Variants in APCDD1 observed in about 807,000 individuals in gnomAD.
APCDD1 encodes APC down-regulated 1, also known as protein APCDD1.
A neutral mutation model predicts 38.1 loss-of-function variants in APCDD1; 15 were observed. That is an observed-to-expected ratio of 0.39 (90% confidence interval 0.26 to 0.61). The LOEUF is 0.61. Ranked by LOEUF, APCDD1 falls within the 20% of genes least tolerant of loss-of-function variation. The probability of loss-of-function intolerance (pLI) is 0.49; values close to 1 mark genes in which losing one functional copy is unlikely to be tolerated. For synonymous variants in APCDD1, 261 were observed against 279.7 expected (o/e 0.93, Z 0.67); for missense variants, 647 against 696.2 (o/e 0.93, Z 0.79).
At chr18:10,459,165 C>T (rs907847499) in intron 1 of APCDD1, among the ~76,000 whole-genome samples, 46 of 152,156 alleles carry the variant, frequency 3.0e-4, no homozygotes, top group African/African-American at 1.1e-3. Flanking sequence ...GGTCCACTGG[C>T]CGAAAGGTAG....
chr18:10,485,514 A>T lies in APCDD1; in HGVS notation c.827A>T (p.His276Leu). ...ACRIIYRSDE[H>L]HPPILPPKAD... is the part of the protein sequence containing the mutation. ...CGGATCATCTATCGGTCAGACGAGC[A>T]CCACCCTCCCATCCTGCCCCCAAAG... The change falls in exon 4 of 5, where the codon CAC becomes CTC. Residue 276 changes from histidine (H) to leucine (L), a missense_variant. His to Leu is a moderately conservative substitution (Grantham distance 99). Coordinates refer to ENST00000355285, the MANE Select transcript of APCDD1 (RefSeq NM_153000.5). This position sits in a 1 kb window ranked among gnomAD's most constrained non-coding sequence, Gnocchi z 5.8. 1.9e-6 allele frequency: 3 copies of T among 1,614,102 alleles called. No individual in the cohort carries two copies. The highest frequency in any genetic ancestry group is 2.5e-6 in the Non-Finnish European group (3 of 1,180,020).
In APCDD1 at chr18:10,454,816, C is replaced by T. The variant is rs2030324946; in HGVS notation, c.-166C>T. ...GACGGCGCCCAGAGAGCGCGCGCCCCGCAGCCCCGCGCCTAGCCCGCCGGG... is the reference window on the plus strand; with the variant it reads ...GACGGCGCCCAGAGAGCGCGCGCCCTGCAGCCCCGCGCCTAGCCCGCCGGG... On this transcript the variant is annotated 5_prime_UTR_variant, in exon 1 of 5. Coordinates refer to ENST00000355285, the MANE Select transcript of APCDD1 (RefSeq NM_153000.5). 4.1e-6 allele frequency: 4 copies of T among 986,152 alleles called. No homozygotes were observed. The highest frequency in any genetic ancestry group is 5.2e-4 in the Middle Eastern group (1 of 1,934). 61.1% of individuals were successfully genotyped at this position (986,152 alleles called of 1,614,324 possible).
At chr18:10,482,685 G>A (rs1319339852) in intron 3 of APCDD1, among the ~76,000 whole-genome samples, 1 of 152,186 alleles carries the variant, frequency 6.6e-6, no homozygotes, top group Non-Finnish European at 1.5e-5. Flanking sequence ...GTCAGAGGGG[G>A]TGTCACTGGT....
intron 1 of APCDD1, among the ~76,000 whole-genome samples, chr18:10,463,253 C>A (rs1236531560): frequency 6.6e-6 from 1 of 152,176 alleles, no homozygotes; most frequent in African/African-American, 2.4e-5. Flanking sequence ...GACCCTGCCC[C>A]CTCTGTCTAG....
intron 1 of APCDD1, 138 bp from the exon 2 acceptor site, chr18:10,468,331 C>A: frequency 1.1e-6 from 1 of 916,570 alleles, no homozygotes; most frequent in Non-Finnish European, 1.8e-6. Flanking sequence ...CACGAGAGCA[C>A]GCACTGTGAT....
chr18:10,457,576 G>A (rs1430576883), intron 1 of APCDD1, among the ~76,000 whole-genome samples: 3 of 152,162 alleles, frequency 2.0e-5, no homozygotes, highest in Admixed American at 6.5e-5. Flanking sequence ...CAACTTAGTA[G>A]ATAAAAGCAT....
At position 10,469,883 on chromosome 18, in the gene APCDD1, G is replaced by A. The variant is rs1027111806; in HGVS notation, c.242+1231G>A. Among the ~76,000 whole-genome samples, 1 of 152,172 alleles carries A rather than the reference G, an allele frequency of 6.6e-6. No homozygotes were observed. Among genetic ancestry groups the A allele is most frequent in the Non-Finnish European group, 1.5e-5 (1 of 68,034 alleles). On this transcript the variant is annotated intron_variant, in intron 2 of 4. Coordinates refer to ENST00000355285, the MANE Select transcript of APCDD1 (RefSeq NM_153000.5). The surrounding 1 kb of genome is among the most constrained non-coding windows in gnomAD (Gnocchi z 5.5). ...CTGTGGCTGGGATGCAGTAAACCAGGGCAGACAGCCTCACATGAGGCTGCT... is the reference window on the plus strand; with the variant it reads ...CTGTGGCTGGGATGCAGTAAACCAGAGCAGACAGCCTCACATGAGGCTGCT...
chr18:10,484,210 G>A lies in APCDD1; in HGVS notation c.775-1252G>A, dbSNP rs564979341. On this transcript the variant is annotated intron_variant, in intron 3 of 4. Transcript: ENST00000355285. ...AGGAACGCAGAAACCTTCTGAACCT[G>A]GAGGCGGGCAGACCGGGACAGAGGG... Among the ~76,000 whole-genome samples the A allele has an allele frequency of 9.2e-5, 14 of 152,348 alleles. No homozygotes were observed. The South Asian group carries it at 2.7e-3, about 29-fold the overall frequency.
rs3748413 is a variant in APCDD1 at position 10,471,776 on chromosome 18, C to T, written c.489C>T (p.Leu163=). 10 of 1,612,842 alleles carry T rather than the reference C, an allele frequency of 6.2e-6. No individual in the cohort carries two copies. Among genetic ancestry groups the T allele is most frequent in the Admixed American group, 3.3e-5 (2 of 59,964 alleles). The change falls in exon 3 of 5, where the codon CTC becomes CTT. Residue 163 remains leucine (L), a synonymous_variant. Transcript: ENST00000355285. This position sits in a 1 kb window ranked among gnomAD's most constrained non-coding sequence, Gnocchi z 5.5. ...ACACAGAGGCGGTGGCCGAGAAGCTCGGCCAGCAGGTGAACCGCACATGCC... is the reference window on the plus strand; with the variant it reads ...ACACAGAGGCGGTGGCCGAGAAGCTTGGCCAGCAGGTGAACCGCACATGCC... ...ICHTEAVAEK[L]GQQVNRTCPG...
chr18:10,462,026 G>A (rs1336594632), intron 1 of APCDD1, among the ~76,000 whole-genome samples: 1 of 152,060 alleles, frequency 6.6e-6, no homozygotes, highest in Non-Finnish European at 1.5e-5. Flanking sequence ...GTGCCTTAAG[G>A]CACTTCTAAG....
chr18:10,480,414 T>A (rs1166878107), intron 3 of APCDD1, among the ~76,000 whole-genome samples: 1 of 152,176 alleles, frequency 6.6e-6, no homozygotes, highest in Non-Finnish European at 1.5e-5. Context: ...TGCCTGTAGG[T>A]CTCTAATTTT....
chr18:10,479,483 C>T (rs647254), intron 3 of APCDD1, among the ~76,000 whole-genome samples: 82,846 of 152,010 alleles, frequency 0.55, 24,037 homozygotes, highest in African/African-American at 0.75. Context: ...CAGAAATAAA[C>T]AGTGGCAGGG....
In APCDD1 at chr18:10,471,500, A is replaced by G; in HGVS notation, c.243-30A>G. On this transcript the variant is annotated intron_variant, in intron 2 of 4. Coordinates refer to ENST00000355285, the MANE Select transcript of APCDD1 (RefSeq NM_153000.5). The surrounding 1 kb of genome is among the most constrained non-coding windows in gnomAD (Gnocchi z 5.5). Reference sequence around the variant, plus strand: ...TCTTTCCCATACCTTCAGGCTTACAAAGGTCTCTTCTTCCCCTTTTCTTGC... The same window carrying G: ...TCTTTCCCATACCTTCAGGCTTACAGAGGTCTCTTCTTCCCCTTTTCTTGC... 1 of 1,614,060 alleles carries G rather than the reference A, an allele frequency of 6.2e-7. No individual in the cohort carries two copies. The highest frequency in any genetic ancestry group is 8.5e-7 in the Non-Finnish European group (1 of 1,179,940).
chr18:10,481,425 C>T (rs535773758), intron 3 of APCDD1, among the ~76,000 whole-genome samples: 22 of 152,194 alleles, frequency 1.4e-4, no homozygotes, highest in African/African-American at 5.3e-4. Flanking sequence ...GTAAGTGAAA[C>T]AGGCCAGATA....
rs2031299969 is a variant in APCDD1, at chr18:10,488,418, T to C, written c.*380T>C. ...ACAACTATCAAGCTACAACTTTTCC[T>C]GCCATTTTCCTGTGGTTGCAGCCTG... On this transcript the variant is annotated 3_prime_UTR_variant, in exon 5 of 5. Coordinates refer to ENST00000355285, the MANE Select transcript of APCDD1 (RefSeq NM_153000.5). The C allele has an allele frequency of 5.2e-6, 1 of 192,396 alleles. No homozygotes were observed. The highest frequency in any genetic ancestry group is 1.0e-4 in the South Asian group (1 of 9,692). The allele number at this position is 192,396 out of a possible 1,614,324, so 11.9% of individuals were successfully genotyped here. A position where few individuals can be genotyped will look rare whatever the true frequency, so the allele number is the denominator to read the frequency against.
Position 10,488,141 on chromosome 18 carries a change from C to A in APCDD1, c.*103C>A. ...TTATTCTTTTGATGCACTTGAATGC[C>A]AGAGAACTGTCCTTCTTTTTCTCCT... is the stretch of plus-strand genomic sequence containing the variant. On this transcript the variant is annotated 3_prime_UTR_variant, in exon 5 of 5. Coordinates refer to ENST00000355285, the MANE Select transcript of APCDD1 (RefSeq NM_153000.5). 1 of 1,386,764 alleles carries A rather than the reference C, an allele frequency of 7.2e-7. No homozygotes were observed. Among genetic ancestry groups the A allele is most frequent in the East Asian group, 2.5e-5 (1 of 40,808 alleles). 85.9% of individuals were successfully genotyped at this position (1,386,764 alleles called of 1,614,324 possible).
rs902036270 is a variant in APCDD1, at chr18:10,476,782, G to A, written c.774+4721G>A. ...CATGTACAGCAGGGGAGCTACACAC[G>A]GGAGGGAGAAAAGCACCGGGCTTTG... On this transcript the variant is annotated intron_variant, in intron 3 of 4. Transcript: ENST00000355285. This position sits in a 1 kb window ranked among gnomAD's most constrained non-coding sequence, Gnocchi z 5.8. 1 of 152,208 alleles carries A rather than the reference G, an allele frequency of 6.6e-6. No individual in the cohort carries two copies. The highest frequency in any genetic ancestry group is 2.4e-5 in the African/African-American group (1 of 41,440). The allele number at this position is 152,208 out of a possible 1,614,324, so 9.4% of individuals were successfully genotyped here.
chr18:10,456,535 T>A (rs1455882033), intron 1 of APCDD1, among the ~76,000 whole-genome samples: 2 of 152,228 alleles, frequency 1.3e-5, no homozygotes, highest in African/African-American at 2.4e-5. Flanking sequence ...ATTTAAAAAA[T>A]TACTTAAAAA....
chr18:10,475,794 G>GT lies in APCDD1; in HGVS notation c.774+3733_774+3734insT, dbSNP rs1555645214. Reference sequence around the variant, plus strand: ...CCTAGCTGCCTCGCAAGATGGCTGAGGGGGGGGGGGGTCAGTGGAAGGCCG... The same window carrying GT: ...CCTAGCTGCCTCGCAAGATGGCTGAGTGGGGGGGGGGGTCAGTGGAAGGCCG... On this transcript the variant is annotated intron_variant, in intron 3 of 4. Transcript: ENST00000355285. The surrounding 1 kb of genome is among the most constrained non-coding windows in gnomAD (Gnocchi z 4.0). 1 of 59,262 alleles carries GT rather than the reference G, an allele frequency of 1.7e-5. No homozygotes were observed. Among genetic ancestry groups the GT allele is most frequent in the South Asian group, 4.9e-4 (1 of 2,034 alleles). 3.7% of individuals were successfully genotyped at this position (59,262 alleles called of 1,614,324 possible).
Sources: allele counts gnomAD v4.1 joint callset (sites outside exome capture counted in the v4.1 genomes callset), GRCh38; gene constraint gnomAD v4.1.1; non-coding constraint Gnocchi (gnomAD v3.1); transcripts MANE v1.5; gene names NCBI Gene and HGNC (gene_info 2026-07-23, HGNC 2026-07-21).